The following RASAL1 variants were observed in gnomAD, a reference collection of about 807,000 sequenced individuals.
The protein encoded by RASAL1 is RAS protein activator like 1, also known as rasGAP-activating-like protein 1.
RASAL1 carries 72 observed loss-of-function variants against 96.6 expected under a neutral mutation model. That is an observed-to-expected ratio of 0.75 (90% CI 0.62 to 0.91). The LOEUF (loss-of-function observed/expected upper bound fraction) is 0.91, where lower values mean the gene tolerates loss of function less well. Among genes scored for constraint, RASAL1 ranks in the 40% least tolerant of loss-of-function variants. The pLI, the probability that RASAL1 is intolerant of heterozygous loss-of-function variation, is 0.00. For missense variants in RASAL1, 1,016 were observed against 1,072.5 expected (o/e 0.95, Z 0.74); for synonymous variants, 405 against 430.4 (o/e 0.94, Z 0.73).
rs903740075 is a variant in RASAL1, at chr12:113,115,051, C to T, written c.1069-139G>A. 1.8e-6 allele frequency: 2 copies of T among 1,103,234 alleles called. No individual in the cohort carries two copies. Among genetic ancestry groups the T allele is most frequent in the Non-Finnish European group, 2.7e-6 (2 of 728,184 alleles). 68.3% of individuals were successfully genotyped at this position (1,103,234 alleles called of 1,614,324 possible). A position where few individuals can be genotyped will look rare whatever the true frequency, so the allele number is the denominator to read the frequency against. ...GGGTAGGGGACACATCCAGGTGCAA[C>T]TCAGGGCAAGGCCGGGCACCAGCCG... On this transcript the variant is annotated intron_variant, in intron 11 of 20. Transcript: ENST00000548055. This position sits in a 1 kb window ranked among gnomAD's most constrained non-coding sequence, Gnocchi z 4.1.
At chr12:113,114,270 C>T (rs1009470730) in intron 12 of RASAL1, among the ~76,000 whole-genome samples, 26 of 152,046 alleles carry the variant, frequency 1.7e-4, no homozygotes, top group African/African-American at 6.3e-4. Context: ...CCCAGGAGTT[C>T]GAGACCAGCC....
intron 3 of RASAL1, 46 bp downstream of exon 3, chr12:113,128,019 G>A (rs957747459): frequency 1.9e-6 from 3 of 1,594,322 alleles, no homozygotes; most frequent in Non-Finnish European, 2.6e-6. Context: ...CAGGTGCCCA[G>A]GCTTGGGTCC....
chr12:113,132,597 T>C (rs1180220190), intron 1 of RASAL1, among the ~76,000 whole-genome samples: 2 of 152,104 alleles, frequency 1.3e-5, no homozygotes, highest in African/African-American at 4.8e-5. Context: ...CCACCTTCTG[T>C]CTCTCCAGTT....
Position 113,135,466 on chromosome 12 carries a change from G to T in RASAL1, c.-4C>A. The T allele has an allele frequency of 1.2e-6, 2 of 1,602,740 alleles. No individual in the cohort carries two copies. The highest frequency in any genetic ancestry group is 1.1e-5 in the South Asian group (1 of 89,362). ...TCAGGGAGCTGCTCTTGGCCATGGC[G>T]CCTAGCCACAAACTTTCCAGGCAGA... On this transcript the variant is annotated 5_prime_UTR_variant, in exon 1 of 21. Coordinates refer to ENST00000548055, the MANE Select transcript of RASAL1 (RefSeq NM_001301202.2). This position sits in a 1 kb window ranked among gnomAD's most constrained non-coding sequence, Gnocchi z 5.7.
chr12:113,126,067 TC>T (rs1951469642), intron 4 of RASAL1, among the ~76,000 whole-genome samples: 1 of 152,100 alleles, frequency 6.6e-6, no homozygotes, highest in Non-Finnish European at 1.5e-5. Flanking sequence ...GATGGATCAC[TC>T]GAAGTCAAGA....
intron 13 of RASAL1, 55 bp from the exon 14 acceptor site, chr12:113,108,277 G>A (rs1000661980): frequency 1.1e-4 from 166 of 1,540,174 alleles, no homozygotes; most frequent in Non-Finnish European, 1.3e-4. Flanking sequence ...TCTCAGCTGC[G>A]TAAACTGAGG....
At chr12:113,111,965 C>G (rs1256045900) in intron 13 of RASAL1, 121 bp downstream of exon 13, 3 of 898,742 alleles carry the variant, frequency 3.3e-6, no homozygotes, top group South Asian at 5.8e-5. Context: ...CCACTTCTGC[C>G]AGGACAGAAT....
At chr12:113,101,724 C>G (rs2136086607) in intron 19 of RASAL1, among the ~76,000 whole-genome samples, 165 bp downstream of exon 19, 1 of 152,350 alleles carries the variant, frequency 6.6e-6, no homozygotes, top group South Asian at 2.1e-4. Flanking sequence ...GGATGCTTCC[C>G]AAGCCCTGAC....
chr12:113,115,314 G>C lies in RASAL1; in HGVS notation c.1004-50C>G. 6.5e-7 allele frequency: 1 copy of C among 1,529,414 alleles called. No homozygotes were observed. The highest frequency in any genetic ancestry group is 9.1e-7 in the Non-Finnish European group (1 of 1,103,318). The allele number at this position is 1,529,414 out of a possible 1,614,324, so 94.7% of individuals were successfully genotyped here. ...GCTGGGATTTAGGGAGCTGAACCCAGCTCACCCCACTCACCCAAGGTGGGA... is the reference window on the plus strand; with the variant it reads ...GCTGGGATTTAGGGAGCTGAACCCACCTCACCCCACTCACCCAAGGTGGGA... On this transcript the variant is annotated intron_variant, in intron 10 of 20. Coordinates refer to ENST00000548055, the MANE Select transcript of RASAL1 (RefSeq NM_001301202.2). This position sits in a 1 kb window ranked among gnomAD's most constrained non-coding sequence, Gnocchi z 4.1.
intron 12 of RASAL1, among the ~76,000 whole-genome samples, chr12:113,113,275 C>G (rs1950942702): frequency 6.6e-6 from 1 of 152,166 alleles, no homozygotes; most frequent in African/African-American, 2.4e-5. Context: ...TCTTTTAATC[C>G]TAACAGCAAC....
At position 113,115,143 on chromosome 12, in the gene RASAL1, T is replaced by C; in HGVS notation, c.1068+57A>G. 1.3e-6 allele frequency: 2 copies of C among 1,520,112 alleles called. No individual in the cohort carries two copies. The highest frequency in any genetic ancestry group is 2.3e-5 in the East Asian group (1 of 44,408). 94.2% of individuals were successfully genotyped at this position (1,520,112 alleles called of 1,614,324 possible). A position where few individuals can be genotyped will look rare whatever the true frequency, so the allele number is the denominator to read the frequency against. ...CTAAGTGAGGGAGCCAGGTAGGCAC[T>C]GGGAAGGAGGTACCCGAGGAAGCTG... On this transcript the variant is annotated intron_variant, in intron 11 of 20. Transcript: ENST00000548055. This position sits in a 1 kb window ranked among gnomAD's most constrained non-coding sequence, Gnocchi z 4.1.
At chr12:113,101,752 C>A (rs1052271567) in intron 19 of RASAL1, 137 bp downstream of exon 19, 7 of 1,164,262 alleles carry the variant, frequency 6.0e-6, no homozygotes, top group Non-Finnish European at 8.0e-6. Flanking sequence ...ACACCCAGTC[C>A]CCACCCTGGG....
intron 14 of RASAL1, 67 bp from the exon 15 acceptor site, chr12:113,107,308 C>T: frequency 6.8e-7 from 1 of 1,473,156 alleles, no homozygotes; most frequent in Non-Finnish European, 9.0e-7. Flanking sequence ...CTCCTGGCTC[C>T]CAAATCAGTG....
At chr12:113,113,720 C>T (rs7964202) in intron 12 of RASAL1, among the ~76,000 whole-genome samples, 16,719 of 152,240 alleles carry the variant, frequency 0.11, 1,109 homozygotes, top group Middle Eastern at 0.19. Flanking sequence ...GTCTCTGCCA[C>T]GGTCCCCAGT....
At chr12:113,107,482 T>C (rs1950689347) in intron 14 of RASAL1, 1 of 602,888 alleles carries the variant, frequency 1.7e-6, no homozygotes, top group African/African-American at 1.8e-5. Flanking sequence ...AATTAGCTGG[T>C]CGTGGTGGCT....
chr12:113,122,179 G>T (rs1389524762), intron 4 of RASAL1, among the ~76,000 whole-genome samples: 1 of 152,322 alleles, frequency 6.6e-6, no homozygotes, highest in Non-Finnish European at 1.5e-5. Context: ...AATGCAGGCA[G>T]TATAGTTAGT....
intron 14 of RASAL1, 106 bp downstream of exon 14, chr12:113,107,979 C>T (rs975775724): frequency 4.5e-6 from 6 of 1,330,202 alleles, no homozygotes; most frequent in Middle Eastern, 2.7e-4. Context: ...TGGGTTTCTT[C>T]GGATGTTCTT....
At chr12:113,132,864 T>G (rs1417887413) in intron 1 of RASAL1, among the ~76,000 whole-genome samples, 1 of 152,200 alleles carries the variant, frequency 6.6e-6, no homozygotes, top group South Asian at 2.1e-4. Flanking sequence ...TCCCCTTCTG[T>G]GGAGTGCCCC....
At chr12:113,117,768 G>A (rs984752878) in intron 7 of RASAL1, among the ~76,000 whole-genome samples, 1 of 152,124 alleles carries the variant, frequency 6.6e-6, no homozygotes, top group Non-Finnish European at 1.5e-5. Context: ...TTTCTGTGTC[G>A]GTAGATTTGC....
Sources: allele counts gnomAD v4.1 joint callset (sites outside exome capture counted in the v4.1 genomes callset), GRCh38; gene constraint gnomAD v4.1.1; non-coding constraint Gnocchi (gnomAD v3.1); transcripts MANE v1.5; gene names NCBI Gene and HGNC (gene_info 2026-07-23, HGNC 2026-07-21).